SPATA6: variants seen among roughly 807,000 people sequenced by gnomAD.
The protein encoded by SPATA6 is spermatogenesis associated 6, also known as spermatogenesis-associated protein 6.
SPATA6 carries 56 observed loss-of-function variants against 65.3 expected under a neutral mutation model. The ratio of observed to expected loss-of-function variants is 0.86; its 90% confidence interval spans 0.69 to 1.07. The LOEUF is 1.07. Among genes scored for constraint, SPATA6 ranks in the 50% least tolerant of loss-of-function variants. SPATA6 has a pLI of 0.00. For synonymous variants in SPATA6, 199 were observed against 213.2 expected (o/e 0.93, Z 0.58); for missense variants, 590 against 594.8 (o/e 0.99, Z 0.08).
chr1:48,306,878 A>G (rs2148656703), intron 11 of SPATA6, among the ~76,000 whole-genome samples: 1 of 152,090 alleles, frequency 6.6e-6, no homozygotes, highest in East Asian at 1.9e-4. Context: ...TTTTATCATT[A>G]TGAAGTAGCC....
chr1:48,357,566 G>A (rs377571178), intron 10 of SPATA6, among the ~76,000 whole-genome samples: 1 of 152,008 alleles, frequency 6.6e-6, no homozygotes, highest in African/African-American at 2.4e-5. Flanking sequence ...CATCATCCAC[G>A]CAAAACTTCC....
chr1:48,405,494 T>C (rs57610043), intron 5 of SPATA6, among the ~76,000 whole-genome samples: 3,924 of 152,224 alleles, frequency 0.026, 111 homozygotes, highest in African/African-American at 0.071. Context: ...TTGACTGGAG[T>C]TTGAGAATCT....
At chr1:48,443,245 TAGA>T (rs747179144) in intron 3 of SPATA6, among the ~76,000 whole-genome samples, 1 of 152,140 alleles carries the variant, frequency 6.6e-6, no homozygotes, top group Non-Finnish European at 1.5e-5. Flanking sequence ...ATCCCAAACT[TAGA>T]AGGTTTTCAA....
chr1:48,373,596 CA>C (rs1338298851), intron 9 of SPATA6, among the ~76,000 whole-genome samples: 1 of 152,148 alleles, frequency 6.6e-6, no homozygotes, highest in Non-Finnish European at 1.5e-5. Context: ...CTACTGGTAA[CA>C]ATTTACTGTA....
intron 1 of SPATA6, among the ~76,000 whole-genome samples, chr1:48,456,388 A>G (rs1456716317): frequency 2.6e-5 from 4 of 152,260 alleles, no homozygotes; most frequent in Non-Finnish European, 4.4e-5. Context: ...TAACAAATTC[A>G]GGAGAAAGGG....
In SPATA6 at chr1:48,454,577, C is replaced by A. The variant is rs558729696; in HGVS notation, c.52-1446G>T. On this transcript the variant is annotated intron_variant, in intron 1 of 12. Coordinates refer to ENST00000371847, the MANE Select transcript of SPATA6 (RefSeq NM_019073.4). ...AGCATTTTGTAATTATGGTACAAAT[C>A]ATTGTGTACATGCATTTTAATTAAG... Among the ~76,000 whole-genome samples the A allele has an allele frequency of 1.7e-3, 256 of 152,270 alleles. 2 individuals carry two copies. The highest frequency in any genetic ancestry group is 6.0e-3 in the African/African-American group (249 of 41,562).
intron 11 of SPATA6, among the ~76,000 whole-genome samples, chr1:48,342,912 T>C (rs903810852): frequency 1.3e-5 from 2 of 152,104 alleles, no homozygotes; most frequent in African/African-American, 4.8e-5. Flanking sequence ...AAAGCATCTG[T>C]GACAAAATGA....
intron 11 of SPATA6, among the ~76,000 whole-genome samples, chr1:48,337,119 G>T (rs1430670392): frequency 1.3e-5 from 2 of 151,826 alleles, no homozygotes; most frequent in Non-Finnish European, 2.9e-5. Context: ...ACCAATCACT[G>T]TCATTAATTT....
At chr1:48,415,219 G>C (rs1652644093) in intron 3 of SPATA6, among the ~76,000 whole-genome samples, 1 of 152,304 alleles carries the variant, frequency 6.6e-6, no homozygotes, top group South Asian at 2.1e-4. Flanking sequence ...CAATAACAAG[G>C]GTGATGACAG....
At chr1:48,283,694 AAAAAAAG>A in the SPATA6 span, among the ~76,000 whole-genome samples, 356 of 121,038 alleles carry the variant, frequency 2.9e-3, 1 homozygote, top group African/African-American at 0.011. Flanking sequence ...AAAAAAAAAA[AAAAAAAG>A]AAAGAAAGAA....
At chr1:48,309,750 C>T (rs1645153436) in intron 11 of SPATA6, among the ~76,000 whole-genome samples, 1 of 152,142 alleles carries the variant, frequency 6.6e-6, no homozygotes, top group Non-Finnish European at 1.5e-5. Flanking sequence ...GCAAAGTCAA[C>T]ATTCCTTTTT....
the SPATA6 span, among the ~76,000 whole-genome samples, chr1:48,278,663 C>A: frequency 1.6e-4 from 24 of 152,226 alleles, no homozygotes; most frequent in African/African-American, 5.1e-4. Context: ...ACAAAGCCTC[C>A]AAGAAATATG....
rs1183382921 is a variant in SPATA6 at position 48,399,433 on chromosome 1, G to C, written c.698C>G (p.Thr233Ser). ...ATTTAAATGGGCCAGCCGCCGCCTGGTGTCTTCAGATAGCTCACACATGCG... is the reference window on the plus strand; with the variant it reads ...ATTTAAATGGGCCAGCCGCCGCCTGCTGTCTTCAGATAGCTCACACATGCG... ...KRRMCELSED[T>S]RRRLAHLNLG... Residue 233 changes from threonine to serine, a missense_variant, in exon 7 of 13, where the codon ACC becomes AGC. By Grantham distance (58) the Thr-to-Ser change is moderately conservative (BLOSUM62 1). Coordinates refer to ENST00000371847, the MANE Select transcript of SPATA6 (RefSeq NM_019073.4). 11 of 1,612,986 alleles carry C rather than the reference G, an allele frequency of 6.8e-6. No homozygotes were observed. The highest frequency in any genetic ancestry group is 4.5e-5 in the East Asian group (2 of 44,856).
At chr1:48,288,547 C>A in the SPATA6 span, among the ~76,000 whole-genome samples, 1 of 152,182 alleles carries the variant, frequency 6.6e-6, no homozygotes, top group Non-Finnish European at 1.5e-5. Context: ...CAGGACAAGG[C>A]ATCACCTCAC....
the SPATA6 span, among the ~76,000 whole-genome samples, chr1:48,287,037 CA>C: frequency 0.14 from 15,891 of 113,060 alleles, 841 homozygotes; most frequent in Non-Finnish European, 0.15. Flanking sequence ...TAGACTGTCT[CA>C]AAAAAAAAAA....
At chr1:48,429,828 AACAT>A (rs1215726193) in intron 3 of SPATA6, among the ~76,000 whole-genome samples, 5 of 152,310 alleles carry the variant, frequency 3.3e-5, no homozygotes, top group African/African-American at 1.2e-4. Context: ...TTGCAGCTGA[AACAT>A]ACAATAACTA....
chr1:48,267,143 G>A, the SPATA6 span, among the ~76,000 whole-genome samples: 1 of 152,040 alleles, frequency 6.6e-6, no homozygotes, highest in Admixed American at 6.5e-5. Flanking sequence ...CCATCTCAGG[G>A]CCTGCGATGG....
chr1:48,359,737 C>T lies in SPATA6; in HGVS notation c.943G>A (p.Asp315Asn). ...TACTCTTCACATTTTTCTAAAGAGTCATCGAAGTCTCTCCCATGGGGTGTC... is the reference window on the plus strand; with the variant it reads ...TACTCTTCACATTTTTCTAAAGAGTTATCGAAGTCTCTCCCATGGGGTGTC... The part of the protein sequence containing the change: ...IRTPHGRDFD[D>N]SLEKCEEYLS... The change falls in exon 10 of 13, where the codon GAC (aspartate) becomes AAC (asparagine). Residue 315 changes from aspartate to asparagine, a missense_variant. By Grantham distance (23) the Asp-to-Asn change is conservative. Transcript: ENST00000371847. 6.2e-7 allele frequency: 1 copy of T among 1,613,082 alleles called. No individual in the cohort carries two copies. Among genetic ancestry groups the T allele is most frequent in the East Asian group, 2.2e-5 (1 of 44,858 alleles).
At chr1:48,403,460 T>C (rs1390123781) in intron 6 of SPATA6, among the ~76,000 whole-genome samples, 1 of 152,114 alleles carries the variant, frequency 6.6e-6, no homozygotes, top group Non-Finnish European at 1.5e-5. Context: ...GTAACTTCCA[T>C]AACATTTAAA....
Sources: allele counts gnomAD v4.1 joint callset (sites outside exome capture counted in the v4.1 genomes callset), GRCh38; gene constraint gnomAD v4.1.1; transcripts MANE v1.5; gene names NCBI Gene and HGNC (gene_info 2026-07-23, HGNC 2026-07-21).